GABRB2: variants seen among roughly 807,000 people sequenced by gnomAD.
The protein encoded by GABRB2 is gamma-aminobutyric acid type A receptor subunit beta2.
GABRB2 carries 16 observed loss-of-function variants against 54.7 expected under a neutral mutation model. That is an observed-to-expected ratio of 0.29 (90% confidence interval 0.20 to 0.44). The LOEUF (loss-of-function observed/expected upper bound fraction) is 0.44. Among genes scored for constraint, GABRB2 ranks in the 20% least tolerant of loss-of-function variants. GABRB2 has a pLI of 1.00. For synonymous variants in GABRB2, 244 were observed against 233.8 expected, an observed-to-expected ratio of 1.04 and a Z score of -0.40; for missense variants, 355 against 644.0, an observed-to-expected ratio of 0.55 and a Z score of 4.86.
rs1442272418 is a variant in GABRB2, at chr5:161,407,862, GATAA to G, written c.541+3109_541+3112del. 1.5e-4 allele frequency among the ~76,000 whole-genome samples: 23 copies of G among 151,990 alleles called. No homozygotes were observed. In the East Asian group the frequency reaches 3.9e-3, roughly 26 times the overall value. The stretch of plus-strand genomic sequence containing the variant: ...AGTTAAGTTTCATGGCCCTCATAGT[GATAA>G]ATATTATCAAGACCCATTTAATTCT... On this transcript the variant is annotated intron_variant, in intron 5 of 9. Transcript: ENST00000393959.
intron 5 of GABRB2, among the ~76,000 whole-genome samples, chr5:161,358,817 A>G (rs928991882): frequency 6.6e-6 from 1 of 152,152 alleles, no homozygotes; most frequent in Admixed American, 6.5e-5. Context: ...AGAAGGTATG[A>G]AGTAGTTGTT....
At chr5:161,314,131 G>T (rs1460749038) in intron 9 of GABRB2, among the ~76,000 whole-genome samples, 1 of 152,170 alleles carries the variant, frequency 6.6e-6, no homozygotes, top group Non-Finnish European at 1.5e-5. Context: ...CCTGGATCAC[G>T]GGCTAAGGAA....
At chr5:161,419,597 G>GTA (rs1243406340) in intron 4 of GABRB2, among the ~76,000 whole-genome samples, 1 of 152,190 alleles carries the variant, frequency 6.6e-6, no homozygotes, top group African/African-American at 2.4e-5. Context: ...GGAAAATGTG[G>GTA]TATATATACA....
chr5:161,417,707 A>G (rs1756720665), intron 4 of GABRB2, among the ~76,000 whole-genome samples: 1 of 152,166 alleles, frequency 6.6e-6, no homozygotes, highest in Non-Finnish European at 1.5e-5. Flanking sequence ...TCAATTATGT[A>G]GATTAGCCCA....
At chr5:161,376,666 A>G (rs1304444431) in intron 5 of GABRB2, among the ~76,000 whole-genome samples, 1 of 152,150 alleles carries the variant, frequency 6.6e-6, no homozygotes, top group East Asian at 1.9e-4. Context: ...AATATATCTT[A>G]TCTGCAGTAA....
intron 5 of GABRB2, among the ~76,000 whole-genome samples, chr5:161,396,381 A>G (rs978978394): frequency 2.0e-5 from 3 of 152,144 alleles, no homozygotes; most frequent in African/African-American, 7.2e-5. Flanking sequence ...TGGGCAGATC[A>G]TTTGTCTTTT....
intron 4 of GABRB2, 63 bp from the exon 5 acceptor site, chr5:161,411,120 A>G: frequency 8.1e-7 from 1 of 1,240,656 alleles, no homozygotes; most frequent in South Asian, 1.2e-5. Flanking sequence ...TGGAAATTTA[A>G]ATCTAAGTAT....
chr5:161,508,146 T>A (rs1460299883), intron 3 of GABRB2, among the ~76,000 whole-genome samples: 1 of 151,690 alleles, frequency 6.6e-6, no homozygotes, highest in Non-Finnish European at 1.5e-5. Flanking sequence ...CTGCTATAGG[T>A]ACTATACTAA....
At chr5:161,415,120 T>G (rs1012894144) in intron 4 of GABRB2, among the ~76,000 whole-genome samples, 1 of 152,206 alleles carries the variant, frequency 6.6e-6, no homozygotes, top group Non-Finnish European at 1.5e-5. Context: ...TAGGTGTCTT[T>G]GAAGTGAGGC....
At chr5:161,313,830 G>C (rs1757946459) in intron 9 of GABRB2, among the ~76,000 whole-genome samples, 2 of 152,162 alleles carry the variant, frequency 1.3e-5, no homozygotes, top group African/African-American at 4.8e-5. Flanking sequence ...ACAGTCTTGG[G>C]GCTTGGATTC....
At chr5:161,441,150 G>A (rs181488717) in intron 4 of GABRB2, among the ~76,000 whole-genome samples, 1 of 152,104 alleles carries the variant, frequency 6.6e-6, no homozygotes, top group African/African-American at 2.4e-5. Context: ...CACAGTAAAG[G>A]GTACATTCAA....
At chr5:161,498,084 G>T (rs1455613598) in intron 3 of GABRB2, among the ~76,000 whole-genome samples, 1 of 152,104 alleles carries the variant, frequency 6.6e-6, no homozygotes, top group Non-Finnish European at 1.5e-5. Context: ...ACATAATGCA[G>T]CCATAAAAAT....
intron 9 of GABRB2, among the ~76,000 whole-genome samples, chr5:161,316,803 T>G (rs253015): frequency 0.5 from 75,671 of 151,826 alleles, 20,931 homozygotes; most frequent in African/African-American, 0.74. Flanking sequence ...GCAAAGACAG[T>G]GTTTCACCAC....
Position 161,294,240 on chromosome 5 carries a change from C to T in GABRB2, c.1380G>A (p.Val460=), listed in dbSNP as rs1214481835. 2 of 1,614,130 alleles carry T rather than the reference C, an allele frequency of 1.2e-6. No homozygotes were observed. Among genetic ancestry groups the T allele is most frequent in the Admixed American group, 3.3e-5 (2 of 60,002 alleles). ...SFGRNALERH[V]AQKKSRLRRR... ...TCCTCAGGCGACTTTTCTTTTGCGC[C>T]ACATGTCGTTCCAGAGCATTTCGGC... The change falls in exon 10 of 10, where the codon GTG becomes GTA. Residue 460 remains valine, a synonymous_variant. Coordinates refer to ENST00000393959, the MANE Select transcript of GABRB2 (RefSeq NM_001371727.1).
intron 3 of GABRB2, among the ~76,000 whole-genome samples, chr5:161,476,543 A>C (rs1758596212): frequency 6.6e-6 from 1 of 151,966 alleles, no homozygotes; most frequent in Admixed American, 6.6e-5. Context: ...TTCAAAACTT[A>C]TTACTAAGCT....
intron 9 of GABRB2, among the ~76,000 whole-genome samples, chr5:161,306,309 T>C (rs1280033148): frequency 6.6e-6 from 1 of 152,256 alleles, no homozygotes; most frequent in African/African-American, 2.4e-5. Context: ...TCTAAAAATC[T>C]GACAACTTTT....
chr5:161,536,980 G>A (rs1411541077), intron 3 of GABRB2, among the ~76,000 whole-genome samples: 3 of 151,894 alleles, frequency 2.0e-5, no homozygotes, highest in East Asian at 1.9e-4. Flanking sequence ...TTCGACCACC[G>A]AAACTCCTCT....
chr5:161,405,149 T>C (rs1756310924), intron 5 of GABRB2, among the ~76,000 whole-genome samples: 3 of 152,076 alleles, frequency 2.0e-5, no homozygotes, highest in Admixed American at 1.3e-4. Flanking sequence ...AGCTATCCTG[T>C]TCAACCACTG....
chr5:161,379,902 T>C (rs1205684524), intron 5 of GABRB2, among the ~76,000 whole-genome samples: 1 of 151,900 alleles, frequency 6.6e-6, no homozygotes, highest in Non-Finnish European at 1.5e-5. Flanking sequence ...TGTGGTAAAA[T>C]ATGGAGGAAA....
Sources: allele counts gnomAD v4.1 joint callset (sites outside exome capture counted in the v4.1 genomes callset), GRCh38; gene constraint gnomAD v4.1.1; transcripts MANE v1.5; gene names NCBI Gene and HGNC (gene_info 2026-07-23, HGNC 2026-07-21).